UTRN: variants seen among roughly 807,000 people sequenced by gnomAD.
The protein encoded by UTRN is dystrophin-related protein 1.
UTRN carries 283 observed loss-of-function variants against 463.9 expected under a neutral mutation model. The observed-to-expected ratio is 0.61, with a 90% CI of 0.55 to 0.67. UTRN has a LOEUF of 0.67. Ranked by LOEUF, UTRN falls within the 30% of genes least tolerant of loss-of-function variation. UTRN has a pLI of 0.00. For synonymous variants in UTRN, 1,442 were observed against 1,431.5 expected, an observed-to-expected ratio of 1.01 and a Z score of -0.17; for missense variants, 3,922 against 4,084.3, an observed-to-expected ratio of 0.96 and a Z score of 1.08.
At chr6:144,425,316 T>C (rs1785200778) in intron 6 of UTRN, among the ~76,000 whole-genome samples, 3 of 152,200 alleles carry the variant, frequency 2.0e-5, no homozygotes. Context: ...AGGTGATATC[T>C]GTTCTTTTTC....
chr6:144,441,856 A>T (rs916132687), intron 13 of UTRN, among the ~76,000 whole-genome samples: 3 of 152,174 alleles, frequency 2.0e-5, no homozygotes, highest in Admixed American at 2.0e-4. Flanking sequence ...CGCAGGCTCA[A>T]CACCACATGG....
intron 23 of UTRN, among the ~76,000 whole-genome samples, chr6:144,472,655 A>G (rs1307518049): frequency 6.6e-6 from 1 of 152,186 alleles, no homozygotes; most frequent in Non-Finnish European, 1.5e-5. Context: ...AGGAATTGGG[A>G]ACATGTAATC....
intron 16 of UTRN, 35 bp downstream of exon 16, chr6:144,447,816 AAGTAAACATTTAAAATTTAAATGT>A (rs1354265075): frequency 6.5e-7 from 1 of 1,541,904 alleles, no homozygotes; most frequent in East Asian, 2.3e-5. Context: ...TTGTGCCATG[AAGTAAACATTTAAAATTTAAATGT>A]TCAGGTTAGT....
chr6:144,732,276 A>ACAC (rs1447266760), intron 54 of UTRN, among the ~76,000 whole-genome samples: 1 of 87,388 alleles, frequency 1.1e-5, no homozygotes, highest in Non-Finnish European at 2.0e-5. Flanking sequence ...ATATATATAT[A>ACAC]TACACACATA....
rs1584961665 is a variant in UTRN at position 144,482,343 on chromosome 6, C to T, written c.3642C>T (p.Tyr1214=). 1 of 1,602,986 alleles carries T rather than the reference C, an allele frequency of 6.2e-7. No homozygotes were observed. The highest frequency in any genetic ancestry group is 1.1e-5 in the South Asian group (1 of 88,082). Residue 1214 remains tyrosine (Y), a synonymous_variant, in exon 27 of 75, where the codon TAC becomes TAT. Coordinates refer to ENST00000367545, the MANE Select transcript of UTRN (RefSeq NM_007124.3). ...TSELNVVLEN[Y]QLLCNRIRGK... is the part of the protein sequence containing the mutation. ...AGCTGAATGTTGTGCTGGAGAATTA[C>T]CAACTTCTTTGTAATAGAATTCGAG...
At chr6:144,441,248 A>C (rs1277620398) in intron 13 of UTRN, among the ~76,000 whole-genome samples, 1 of 152,240 alleles carries the variant, frequency 6.6e-6, no homozygotes, top group Non-Finnish European at 1.5e-5. Context: ...AGACAAGGCA[A>C]GTCCCTTCCG....
chr6:144,605,009 A>G (rs1804688490), intron 51 of UTRN, among the ~76,000 whole-genome samples: 1 of 152,172 alleles, frequency 6.6e-6, no homozygotes, highest in Admixed American at 6.5e-5. Flanking sequence ...TTATGGAAGA[A>G]TCCACTTCTC....
chr6:144,544,840 T>C (rs543412080), intron 46 of UTRN, among the ~76,000 whole-genome samples: 19 of 152,212 alleles, frequency 1.2e-4, no homozygotes, highest in Non-Finnish European at 2.9e-5. Context: ...CCTCCACTTA[T>C]GCATAGGATC....
intron 2 of UTRN, among the ~76,000 whole-genome samples, chr6:144,331,521 C>T (rs529502539): frequency 2.0e-5 from 3 of 152,220 alleles, no homozygotes; most frequent in East Asian, 1.9e-4. Context: ...GTAACCTTGG[C>T]GCTATTCCAA....
intron 23 of UTRN, among the ~76,000 whole-genome samples, chr6:144,466,130 T>G (rs897683342): frequency 2.0e-5 from 3 of 152,228 alleles, no homozygotes; most frequent in Non-Finnish European, 4.4e-5. Flanking sequence ...TCCCCCACAC[T>G]GTGGAAAGAA....
intron 64 of UTRN, among the ~76,000 whole-genome samples, chr6:144,799,117 G>T (rs1777497355): frequency 6.6e-6 from 1 of 152,222 alleles, no homozygotes; most frequent in South Asian, 2.1e-4. Context: ...AATCAGGAGG[G>T]CTGGGATTGG....
At chr6:144,638,494 T>G (rs929225917) in intron 51 of UTRN, among the ~76,000 whole-genome samples, 1 of 152,214 alleles carries the variant, frequency 6.6e-6, no homozygotes, top group Admixed American at 6.5e-5. Flanking sequence ...TAGTAAATCA[T>G]TAGAATTTTT....
Position 144,511,054 on chromosome 6 carries a change from G to T in UTRN, c.4875G>T (p.Arg1625Ser), listed in dbSNP as rs771306857. The change falls in exon 35 of 75, where the codon AGG (arginine) becomes AGT (serine). Residue 1625 changes from arginine to serine, a missense_variant. Arg to Ser is a moderately radical substitution (Grantham distance 110). Around this residue, in one of 3 missense-constraint regions of UTRN, gnomAD observed 2,349 missense variants for 2,303.8 expected, o/e 1.02. Transcript: ENST00000367545. ...GCAGTGAGCCTATTTTAGAAGAGAG[G>T]CTCTGCGTCCTTAACGCTGGGTGGA... is the stretch of plus-strand genomic sequence containing the variant. ...IEGSEPILEE[R>S]LCVLNAGWSR... The T allele has an allele frequency of 1.2e-5, 20 of 1,612,470 alleles. No individual in the cohort carries two copies. Among genetic ancestry groups the T allele is most frequent in the South Asian group, 8.8e-5 (8 of 90,898 alleles).
At chr6:144,823,897 A>AT (rs1055021737) in intron 66 of UTRN, among the ~76,000 whole-genome samples, 5 of 152,176 alleles carry the variant, frequency 3.3e-5, no homozygotes, top group South Asian at 2.1e-4. Flanking sequence ...GAGTTTAAAG[A>AT]TTTTTTTAAG....
At chr6:144,330,268 T>C (rs1776245401) in intron 2 of UTRN, among the ~76,000 whole-genome samples, 1 of 152,156 alleles carries the variant, frequency 6.6e-6, no homozygotes, top group Non-Finnish European at 1.5e-5. Flanking sequence ...AGCAGAGGGC[T>C]GTGGATTAAA....
chr6:144,350,458 T>A (rs1778016917), intron 2 of UTRN, among the ~76,000 whole-genome samples: 1 of 152,200 alleles, frequency 6.6e-6, no homozygotes, highest in Non-Finnish European at 1.5e-5. Flanking sequence ...TTTAGTGGCA[T>A]CCCACTTAAA....
chr6:144,404,373 CAT>C (rs950603285), intron 3 of UTRN, among the ~76,000 whole-genome samples: 5 of 152,174 alleles, frequency 3.3e-5, no homozygotes, highest in African/African-American at 4.8e-5. Context: ...ACACAGGTAA[CAT>C]ATGTGCATCT....
At chr6:144,346,131 T>G (rs933340555) in intron 2 of UTRN, among the ~76,000 whole-genome samples, 2 of 148,732 alleles carry the variant, frequency 1.3e-5, no homozygotes, top group African/African-American at 2.5e-5. Context: ...TGAGCCAAGA[T>G]CACACCATTG....
chr6:144,383,578 T>G (rs950038760), intron 2 of UTRN, among the ~76,000 whole-genome samples: 4 of 152,214 alleles, frequency 2.6e-5, no homozygotes, highest in African/African-American at 9.6e-5. Context: ...ATAGTTCTCC[T>G]GGGTCTTCCA....
Sources: allele counts gnomAD v4.1 joint callset (sites outside exome capture counted in the v4.1 genomes callset), GRCh38; gene constraint gnomAD v4.1.1; regional missense constraint gnomAD v4.1.1; transcripts MANE v1.5; gene names NCBI Gene and HGNC (gene_info 2026-07-23, HGNC 2026-07-21).